LRP1B: variants seen among roughly 807,000 people sequenced by gnomAD.
LRP1B encodes the protein LDL receptor related protein 1B.
LRP1B carries 217 observed loss-of-function variants against 556.6 expected under a neutral mutation model. The observed-to-expected ratio is 0.39, with a 90% CI of 0.35 to 0.44. The LOEUF (loss-of-function observed/expected upper bound fraction) is 0.44. Ranked by LOEUF, LRP1B falls within the 20% of genes least tolerant of loss-of-function variation. LRP1B has a pLI of 1.00. For missense variants in LRP1B, 5,053 were observed against 5,620.8 expected, an observed-to-expected ratio of 0.90 and a Z score of 3.23; for synonymous variants, 2,047 against 1,865.8, an observed-to-expected ratio of 1.10 and a Z score of -2.50.
At chr2:141,154,948 C>T (rs1405918115) in intron 7 of LRP1B, among the ~76,000 whole-genome samples, 1 of 151,740 alleles carries the variant, frequency 6.6e-6, no homozygotes, top group Non-Finnish European at 1.5e-5. Context: ...CTAGGGCTCC[C>T]AGAATTAAAT....
intron 1 of LRP1B, among the ~76,000 whole-genome samples, chr2:141,925,111 C>T (rs761306823): frequency 1.2e-4 from 19 of 152,124 alleles, no homozygotes; most frequent in Non-Finnish European, 2.4e-4. Context: ...ATTAACAAAT[C>T]AAGGTTATTC....
At chr2:141,273,228 G>A (rs967940700) in intron 3 of LRP1B, among the ~76,000 whole-genome samples, 1 of 151,836 alleles carries the variant, frequency 6.6e-6, no homozygotes, top group African/African-American at 2.4e-5. Flanking sequence ...ATAATCACTT[G>A]TACCCAGGAG....
At chr2:140,915,653 A>AAAATAAATAAAT (rs70991117) in intron 21 of LRP1B, among the ~76,000 whole-genome samples, 11,759 of 144,952 alleles carry the variant, frequency 0.081, 578 homozygotes, top group Non-Finnish European at 0.11. Flanking sequence ...CTTTGTCTCA[A>AAAATAAATAAAT]AAATAAATAA....
At chr2:141,670,724 A>T (rs1558794192) in intron 2 of LRP1B, among the ~76,000 whole-genome samples, 1 of 152,232 alleles carries the variant, frequency 6.6e-6, no homozygotes. Context: ...GCAGTGAAAT[A>T]AAAAATAAAT....
chr2:142,102,526 G>T (rs893393247), intron 1 of LRP1B, among the ~76,000 whole-genome samples: 2 of 147,880 alleles, frequency 1.4e-5, no homozygotes, highest in African/African-American at 4.9e-5. Context: ...TACACTGGGA[G>T]GCAAAGGTGA....
chr2:141,768,696 G>A (rs1694804518), intron 2 of LRP1B, among the ~76,000 whole-genome samples: 1 of 152,058 alleles, frequency 6.6e-6, no homozygotes, highest in African/African-American at 2.4e-5. Context: ...GTACTTCATA[G>A]AGGAAAGCCT....
intron 85 of LRP1B, among the ~76,000 whole-genome samples, chr2:140,272,125 A>C (rs1223453729): frequency 6.6e-6 from 1 of 151,944 alleles, no homozygotes; most frequent in Non-Finnish European, 1.5e-5. Context: ...TGAAGACAGA[A>C]ATTTGTAGAC....
At chr2:141,842,237 T>G (rs1293488093) in intron 1 of LRP1B, among the ~76,000 whole-genome samples, 1 of 152,152 alleles carries the variant, frequency 6.6e-6, no homozygotes, top group Non-Finnish European at 1.5e-5. Context: ...CAGTGAACCC[T>G]AATTATCAAC....
At chr2:141,531,304 T>C (rs1684863379) in intron 2 of LRP1B, among the ~76,000 whole-genome samples, 1 of 140,404 alleles carries the variant, frequency 7.1e-6, no homozygotes, top group Non-Finnish European at 1.6e-5. Context: ...TAGTTCTGAC[T>C]CTTTAATTTA....
intron 1 of LRP1B, among the ~76,000 whole-genome samples, chr2:141,856,493 CAATT>C (rs954657491): frequency 2.0e-5 from 3 of 152,114 alleles, no homozygotes; most frequent in African/African-American, 7.2e-5. Context: ...GGTTTGAAAA[CAATT>C]AATAGATCAC....
chr2:141,264,481 G>A (rs1684813684), intron 3 of LRP1B, among the ~76,000 whole-genome samples: 1 of 152,140 alleles, frequency 6.6e-6, no homozygotes, highest in African/African-American at 2.4e-5. Context: ...TTGAGACAGA[G>A]TCTTACTCTT....
intron 1 of LRP1B, 150 bp downstream of exon 1, chr2:142,130,498 A>AC (rs1159809420): frequency 4.7e-6 from 3 of 635,044 alleles, no homozygotes; most frequent in Non-Finnish European, 8.3e-6. Flanking sequence ...CGCACCTCTC[A>AC]CCCCCGCACA....
At chr2:140,643,651 T>G (rs1684380045) in intron 41 of LRP1B, among the ~76,000 whole-genome samples, 10 of 152,196 alleles carry the variant, frequency 6.6e-5, no homozygotes. Flanking sequence ...ACAAAATAAT[T>G]TGCTTGTATT....
chr2:141,324,222 C>T (rs539868792), intron 3 of LRP1B, among the ~76,000 whole-genome samples: 3 of 152,060 alleles, frequency 2.0e-5, no homozygotes, highest in Admixed American at 2.0e-4. Flanking sequence ...GACCCTCTCC[C>T]AAACAGCAGC....
chr2:141,583,348 G>T (rs987467612), intron 2 of LRP1B, among the ~76,000 whole-genome samples: 3 of 152,062 alleles, frequency 2.0e-5, no homozygotes. Flanking sequence ...TTGATCCAAA[G>T]GTTACAAACA....
At chr2:140,352,619 T>C (rs1331887637) in intron 76 of LRP1B, among the ~76,000 whole-genome samples, 1 of 152,306 alleles carries the variant, frequency 6.6e-6, no homozygotes, top group Middle Eastern at 3.4e-3. Flanking sequence ...CCCTGGGGTA[T>C]AATTTTTCTC....
chr2:140,362,212 T>C (rs1375460600), intron 72 of LRP1B, among the ~76,000 whole-genome samples: 1 of 151,678 alleles, frequency 6.6e-6, no homozygotes, highest in Non-Finnish European at 1.5e-5. Flanking sequence ...ACTTTAAATA[T>C]GACCATGGAC....
At chr2:140,822,317 G>A (rs1164776488) in intron 31 of LRP1B, among the ~76,000 whole-genome samples, 1 of 152,110 alleles carries the variant, frequency 6.6e-6, no homozygotes, top group Non-Finnish European at 1.5e-5. Flanking sequence ...GTATTGAACA[G>A]AAACAAAGTT....
chr2:140,748,250 T>C (rs1688396278), intron 35 of LRP1B, among the ~76,000 whole-genome samples: 1 of 129,600 alleles, frequency 7.7e-6, no homozygotes, highest in Non-Finnish European at 1.6e-5. Flanking sequence ...TATATATTCA[T>C]ATATGTATAT....
Sources: gnomAD v4.1 joint callset for allele counts (sites outside exome capture counted in the v4.1 genomes callset) on GRCh38, gnomAD v4.1.1 for gene constraint, MANE v1.5 for transcripts, NCBI Gene and HGNC (gene_info 2026-07-23, HGNC 2026-07-21) for gene names.